NRF1: variants seen among roughly 807,000 people sequenced by gnomAD.
NRF1 encodes the protein nuclear respiratory factor 1.
A neutral mutation model predicts 58.5 loss-of-function variants in NRF1; 5 were observed. The ratio of observed to expected loss-of-function variants is 0.09; its 90% CI spans 0.04 to 0.18. NRF1 has a LOEUF of 0.18. Ranked by LOEUF, NRF1 falls within the 10% of genes least tolerant of loss-of-function variation. The probability of loss-of-function intolerance (pLI) is 1.00; values close to 1 mark genes in which losing one functional copy is unlikely to be tolerated. For synonymous variants in NRF1, 224 were observed against 246.7 expected (o/e 0.91, Z 0.86); for missense variants, 288 against 657.7 (o/e 0.44, Z 6.15).
chr7:129,735,701 C>T (rs1223939605), intron 10 of NRF1, among the ~76,000 whole-genome samples: 6 of 151,912 alleles, frequency 3.9e-5, no homozygotes, highest in Admixed American at 1.3e-4. Context: ...AAGACTTCAA[C>T]GTCATATTTT....
At chr7:129,613,459 A>G (rs1800587869) in intron 1 of NRF1, among the ~76,000 whole-genome samples, 1 of 152,182 alleles carries the variant, frequency 6.6e-6, no homozygotes, top group African/African-American at 2.4e-5. Context: ...CATAATTATC[A>G]CATGCAATGT....
At chr7:129,738,115 T>G (rs1803761700) in intron 10 of NRF1, among the ~76,000 whole-genome samples, 1 of 152,252 alleles carries the variant, frequency 6.6e-6, no homozygotes, top group South Asian at 2.1e-4. Context: ...GGTCTCAGAC[T>G]GCGCTGAGGC....
At chr7:129,619,492 A>G (rs12535758) in intron 1 of NRF1, among the ~76,000 whole-genome samples, 75 of 15,246 alleles carry the variant, frequency 4.9e-3, no homozygotes, top group African/African-American at 7.4e-3. Context: ...GTGTGTGTGT[A>G]TATATATATA....
intron 2 of NRF1, among the ~76,000 whole-genome samples, chr7:129,668,556 A>G (rs764686701): frequency 6.6e-6 from 1 of 152,246 alleles, no homozygotes; most frequent in Non-Finnish European, 1.5e-5. Context: ...AAGCAGCTTT[A>G]TGCACAGTAG....
chr7:129,619,394 G>GTATA (rs1491213050), intron 1 of NRF1, among the ~76,000 whole-genome samples: 3 of 46,632 alleles, frequency 6.4e-5, no homozygotes, highest in African/African-American at 9.6e-5. Context: ...CTTGGCATAC[G>GTATA]TGTATATATA....
intron 3 of NRF1, among the ~76,000 whole-genome samples, chr7:129,672,705 C>T (rs749759241): frequency 8.6e-5 from 13 of 152,022 alleles, no homozygotes; most frequent in East Asian, 1.9e-4. Flanking sequence ...AGAAGGATTG[C>T]GATGACATTT....
At chr7:129,622,296 T>G (rs1800816924) in intron 1 of NRF1, among the ~76,000 whole-genome samples, 1 of 152,110 alleles carries the variant, frequency 6.6e-6, no homozygotes, top group South Asian at 2.1e-4. Context: ...CACTGTCAGA[T>G]TTTGGATAGG....
intron 4 of NRF1, among the ~76,000 whole-genome samples, chr7:129,689,208 T>C (rs1032650095): frequency 1.3e-5 from 2 of 152,224 alleles, no homozygotes; most frequent in Non-Finnish European, 2.9e-5. Flanking sequence ...AGTTGCACCA[T>C]GTAGCCAGTA....
intron 1 of NRF1, among the ~76,000 whole-genome samples, chr7:129,643,935 C>T (rs142976583): frequency 2.8e-4 from 42 of 152,304 alleles, no homozygotes; most frequent in African/African-American, 9.6e-4. Context: ...CTGCTGTCTG[C>T]GCGTTCATTG....
intron 1 of NRF1, among the ~76,000 whole-genome samples, chr7:129,636,649 G>A (rs1003626336): frequency 6.6e-6 from 1 of 152,156 alleles, no homozygotes; most frequent in Non-Finnish European, 1.5e-5. Context: ...GGTGTTTGGG[G>A]AATTTGATCA....
intron 1 of NRF1, among the ~76,000 whole-genome samples, chr7:129,645,953 G>A (rs1471430147): frequency 3.3e-5 from 5 of 152,194 alleles, no homozygotes; most frequent in Admixed American, 6.5e-5. Flanking sequence ...GGGTTCAAGC[G>A]ATTCTCCTGC....
At chr7:129,669,689 C>A (rs1237713396) in intron 2 of NRF1, among the ~76,000 whole-genome samples, 2 of 152,148 alleles carry the variant, frequency 1.3e-5, no homozygotes, top group African/African-American at 4.8e-5. Context: ...AAAATATAAA[C>A]TAGTGGCGGT....
At chr7:129,654,822 C>G (rs1004309791) in intron 1 of NRF1, among the ~76,000 whole-genome samples, 1 of 152,196 alleles carries the variant, frequency 6.6e-6, no homozygotes, top group African/African-American at 2.4e-5. Flanking sequence ...GTCTATTTCT[C>G]TGGTGTTTCA....
intron 10 of NRF1, among the ~76,000 whole-genome samples, chr7:129,730,140 T>C (rs1373542072): frequency 6.6e-6 from 1 of 152,218 alleles, no homozygotes; most frequent in Non-Finnish European, 1.5e-5. Context: ...TTGTCACTTC[T>C]GGGCAGACAA....
chr7:129,697,729 T>TTTTTTGTTTTTG (rs112573096), intron 5 of NRF1, among the ~76,000 whole-genome samples: 23 of 150,350 alleles, frequency 1.5e-4, no homozygotes, highest in South Asian at 4.2e-4. Context: ...AACATTTACT[T>TTTTTTGTTTTTG]TTTTTGTTTT....
intron 4 of NRF1, among the ~76,000 whole-genome samples, chr7:129,685,117 A>T (rs183369306): frequency 5.0e-4 from 76 of 152,198 alleles, no homozygotes; most frequent in Admixed American, 9.8e-4. Flanking sequence ...TAGAAAATTT[A>T]AAAAAAAATT....
At chr7:129,729,552 C>G (rs1803530726) in intron 10 of NRF1, among the ~76,000 whole-genome samples, 1 of 152,342 alleles carries the variant, frequency 6.6e-6, no homozygotes, top group African/African-American at 2.4e-5. Context: ...AAATCAGACC[C>G]TTGAGTTGTG....
chr7:129,722,374 A>G (rs1268391182), intron 9 of NRF1, among the ~76,000 whole-genome samples: 1 of 151,936 alleles, frequency 6.6e-6, no homozygotes, highest in Non-Finnish European at 1.5e-5. Context: ...CTGGGCCACA[A>G]GAGCGAAACT....
intron 10 of NRF1, among the ~76,000 whole-genome samples, chr7:129,733,128 G>C (rs1288822227): frequency 6.6e-6 from 1 of 152,132 alleles, no homozygotes; most frequent in Non-Finnish European, 1.5e-5. Context: ...ATTCCAAAGA[G>C]TGTTTTGGGA....
Sources: allele counts gnomAD v4.1 joint callset (sites outside exome capture counted in the v4.1 genomes callset), GRCh38; gene constraint gnomAD v4.1.1; transcripts MANE v1.5; gene names NCBI Gene and HGNC (gene_info 2026-07-23, HGNC 2026-07-21).